The following ZBTB20 variants were observed in gnomAD, a reference collection of about 807,000 sequenced individuals.
ZBTB20 encodes zinc finger and BTB domain containing 20, also known as zinc finger and BTB domain-containing protein 20.
In ZBTB20, 9 loss-of-function variants were observed where a neutral mutation model predicts 56.9. The observed-to-expected ratio is 0.16, with a 90% CI of 0.10 to 0.28. ZBTB20 has a LOEUF of 0.28. Ranked by LOEUF, ZBTB20 falls within the 10% of genes least tolerant of loss-of-function variation. The pLI, the probability that ZBTB20 is intolerant of heterozygous loss-of-function variation, is 1.00. For missense variants in ZBTB20, 655 were observed against 1,003.0 expected, an observed-to-expected ratio of 0.65 and a Z score of 4.69; for synonymous variants, 417 against 420.7, an observed-to-expected ratio of 0.99 and a Z score of 0.11.
intron 6 of ZBTB20, among the ~76,000 whole-genome samples, chr3:114,574,420 C>G (rs1028766963): frequency 3.2e-4 from 49 of 152,298 alleles, no homozygotes; most frequent in Non-Finnish European, 5.4e-4. Context: ...CTATGAGTGT[C>G]TATTTCACTG....
rs192715387 is a variant in ZBTB20 at position 114,619,441 on chromosome 3, T to C, written c.-295+74087A>G. On this transcript the variant is annotated intron_variant, in intron 6 of 11. Coordinates refer to ENST00000675478, the MANE Select transcript of ZBTB20 (RefSeq NM_001348800.3). ...TATAGTTTGGGGATTGCTAAGTTGA[T>C]TGACAATTGAAAATGGGTAAGATTA... Among the ~76,000 whole-genome samples the C allele has an allele frequency of 3.8e-3, 580 of 152,266 alleles. 2 individuals are homozygous for C. Among genetic ancestry groups the C allele is most frequent in the African/African-American group, 0.013 (535 of 41,554 alleles).
chr3:114,923,806 C>T (rs1343388339), intron 3 of ZBTB20, among the ~76,000 whole-genome samples: 1 of 151,872 alleles, frequency 6.6e-6, no homozygotes, highest in Non-Finnish European at 1.5e-5. Flanking sequence ...ACATTTGCAA[C>T]TATATATCTG....
At chr3:114,401,795 A>G (rs1426229506) in intron 7 of ZBTB20, among the ~76,000 whole-genome samples, 1 of 152,180 alleles carries the variant, frequency 6.6e-6, no homozygotes, top group Non-Finnish European at 1.5e-5. Flanking sequence ...TTTTTGAAAA[A>G]TCACAAAGGT....
At chr3:114,732,660 G>A (rs1214552438) in intron 5 of ZBTB20, among the ~76,000 whole-genome samples, 1 of 152,136 alleles carries the variant, frequency 6.6e-6, no homozygotes, top group Non-Finnish European at 1.5e-5. Context: ...ACTGAGAAAG[G>A]TTGTGATATA....
intron 11 of ZBTB20, among the ~76,000 whole-genome samples, chr3:114,340,267 T>G (rs1576225462): frequency 2.0e-5 from 3 of 152,220 alleles, no homozygotes; most frequent in South Asian, 2.1e-4. Flanking sequence ...CTCATTGTGC[T>G]GGTGTTGACA....
At chr3:115,066,318 G>T (rs1339764128) in intron 2 of ZBTB20, among the ~76,000 whole-genome samples, 2 of 151,330 alleles carry the variant, frequency 1.3e-5, no homozygotes, top group Non-Finnish European at 2.9e-5. Context: ...AAAACATCTT[G>T]AGAGTCATCC....
At chr3:114,766,038 C>G (rs770981204) in intron 5 of ZBTB20, among the ~76,000 whole-genome samples, 12 of 152,000 alleles carry the variant, frequency 7.9e-5, no homozygotes, top group Non-Finnish European at 1.3e-4. Context: ...GAAACGGTTA[C>G]AAAGAGAAGT....
At chr3:114,958,151 C>T (rs1414108543) in intron 3 of ZBTB20, among the ~76,000 whole-genome samples, 1 of 152,182 alleles carries the variant, frequency 6.6e-6, no homozygotes, top group Non-Finnish European at 1.5e-5. Context: ...TTGTCAAGCT[C>T]CCTTTTCAGG....
At chr3:114,984,637 C>T (rs996148385) in intron 2 of ZBTB20, among the ~76,000 whole-genome samples, 2 of 152,044 alleles carry the variant, frequency 1.3e-5, no homozygotes, top group Non-Finnish European at 2.9e-5. Flanking sequence ...ATCAAGACAC[C>T]TATGAATGGC....
chr3:114,944,006 C>T (rs1362386450), intron 3 of ZBTB20, among the ~76,000 whole-genome samples: 1 of 144,022 alleles, frequency 6.9e-6, no homozygotes, highest in Non-Finnish European at 1.5e-5. Context: ...AAATGCATTA[C>T]TTTGTAAGGA....
At chr3:114,966,834 G>T (rs2077666827) in intron 3 of ZBTB20, among the ~76,000 whole-genome samples, 1 of 151,986 alleles carries the variant, frequency 6.6e-6, no homozygotes, top group South Asian at 2.1e-4. Context: ...TTTACATAAA[G>T]TTAAATATTT....
chr3:115,024,273 G>A (rs1010392286), intron 2 of ZBTB20, among the ~76,000 whole-genome samples: 2 of 150,880 alleles, frequency 1.3e-5, no homozygotes, highest in African/African-American at 2.4e-5. Context: ...CAGGAACTAT[G>A]GTAAGTGCTA....
intron 4 of ZBTB20, among the ~76,000 whole-genome samples, chr3:114,844,275 T>A (rs2074537694): frequency 6.9e-6 from 1 of 145,232 alleles, no homozygotes; most frequent in Non-Finnish European, 1.5e-5. Context: ...AAATGTAAGC[T>A]ACTGTGTAGT....
At chr3:114,884,761 A>C (rs561130568) in intron 4 of ZBTB20, among the ~76,000 whole-genome samples, 1 of 152,346 alleles carries the variant, frequency 6.6e-6, no homozygotes, top group East Asian at 1.9e-4. Context: ...CTAATAAAAA[A>C]AAATAAGTTT....
At chr3:114,353,619 C>G (rs2080912059) in intron 10 of ZBTB20, among the ~76,000 whole-genome samples, 3 of 151,990 alleles carry the variant, frequency 2.0e-5, no homozygotes, top group Admixed American at 2.0e-4. Flanking sequence ...AAAATATGGC[C>G]CCAAAAGAAG....
intron 6 of ZBTB20, among the ~76,000 whole-genome samples, chr3:114,597,584 G>A (rs1213937347): frequency 6.6e-6 from 1 of 152,076 alleles, no homozygotes. Context: ...TACATAAAGC[G>A]ATCATGCCAA....
intron 6 of ZBTB20, among the ~76,000 whole-genome samples, chr3:114,540,434 T>C (rs193091135): frequency 6.6e-6 from 1 of 152,202 alleles, no homozygotes; most frequent in Admixed American, 6.5e-5. Flanking sequence ...GAAAGAGATA[T>C]GAAACAAACC....
chr3:114,367,601 G>A (rs1336909640), intron 10 of ZBTB20, among the ~76,000 whole-genome samples: 2 of 152,116 alleles, frequency 1.3e-5, no homozygotes, highest in African/African-American at 2.4e-5. Flanking sequence ...AGACAAAAAG[G>A]AACTTAACAG....
chr3:114,626,798 C>T (rs1202844179), intron 6 of ZBTB20, among the ~76,000 whole-genome samples: 1 of 152,158 alleles, frequency 6.6e-6, no homozygotes, highest in Non-Finnish European at 1.5e-5. Context: ...TTGGCCTTAA[C>T]CGCATGATGA....
Sources: allele counts gnomAD v4.1 joint callset (sites outside exome capture counted in the v4.1 genomes callset), GRCh38; gene constraint gnomAD v4.1.1; transcripts MANE v1.5; gene names NCBI Gene and HGNC (gene_info 2026-07-23, HGNC 2026-07-21).